The following COL11A1 variants were observed in gnomAD, a reference collection of about 807,000 sequenced individuals.
COL11A1 encodes collagen type XI alpha 1 chain.
Under a neutral mutation model 265.2 loss-of-function variants are expected in COL11A1, and 74 were observed. That is an observed-to-expected ratio of 0.28 (90% CI 0.23 to 0.34). The LOEUF (loss-of-function observed/expected upper bound fraction) is 0.34, where lower values mean the gene tolerates loss of function less well. COL11A1 is among the 10% of genes least tolerant of loss of function. COL11A1 has a pLI of 1.00. For synonymous variants in COL11A1, 816 were observed against 727.6 expected (o/e 1.12, Z -1.96); for missense variants, 2,165 against 2,263.6 (o/e 0.96, Z 0.88).
At chr1:102,979,581 T>A (rs781413946) in intron 31 of COL11A1, 146 bp from the exon 32 acceptor site, 1 of 715,944 alleles carries the variant, frequency 1.4e-6, no homozygotes, top group East Asian at 2.7e-5. Flanking sequence ...ATCGAAGTAA[T>A]TGAAAATGAA....
chr1:103,093,222 T>C (rs1476557453), intron 1 of COL11A1, among the ~76,000 whole-genome samples: 4 of 151,954 alleles, frequency 2.6e-5, no homozygotes, highest in African/African-American at 9.7e-5. Flanking sequence ...AAAAGCAAGG[T>C]GAAGAATCTA....
intron 4 of COL11A1, among the ~76,000 whole-genome samples, chr1:103,050,222 T>G (rs548997957): frequency 1.5e-4 from 23 of 152,356 alleles, no homozygotes; most frequent in Non-Finnish European, 2.4e-4. Context: ...ATTCTCCCCG[T>G]CACTTTCAGG....
intron 8 of COL11A1, among the ~76,000 whole-genome samples, chr1:103,022,494 A>G (rs1667175477): frequency 6.6e-6 from 1 of 152,164 alleles, no homozygotes; most frequent in Non-Finnish European, 1.5e-5. Context: ...CAATGACAAA[A>G]TTTCTGATGC....
At chr1:102,944,355 T>TC (rs1216222605) in intron 42 of COL11A1, among the ~76,000 whole-genome samples, 1 of 152,134 alleles carries the variant, frequency 6.6e-6, no homozygotes, top group Non-Finnish European at 1.5e-5. Flanking sequence ...TATGTTACTG[T>TC]CCCTAAGCAG....
intron 31 of COL11A1, 38 bp from the exon 32 acceptor site, chr1:102,979,473 A>G: frequency 4.4e-6 from 6 of 1,367,636 alleles, no homozygotes; most frequent in South Asian, 2.3e-5. Flanking sequence ...AAACATGGCA[A>G]TTAACATTTT....
intron 1 of COL11A1, among the ~76,000 whole-genome samples, chr1:103,087,819 T>C (rs1436160362): frequency 5.9e-5 from 9 of 152,232 alleles, no homozygotes; most frequent in Admixed American, 5.9e-4. Flanking sequence ...ATTTGCCTTG[T>C]CTTTGCCAAT....
rs187353460 is a variant in COL11A1 at position 102,999,377 on chromosome 1, T to A, written c.2143-1014A>T. ...CGTTGCAATCTGGATGAACTTAGGTTCCTATCCACGTCTTCAAAGTTCCTC... is the reference window on the plus strand; with the variant it reads ...CGTTGCAATCTGGATGAACTTAGGTACCTATCCACGTCTTCAAAGTTCCTC... On this transcript the variant is annotated intron_variant, in intron 24 of 66. Transcript: ENST00000370096. 4.9e-3 allele frequency among the ~76,000 whole-genome samples: 740 copies of A among 152,054 alleles called. 7 individuals are homozygous for A. The highest frequency in any genetic ancestry group is 0.017 in the African/African-American group (714 of 41,548).
chr1:102,945,093 A>G (rs987764633), intron 42 of COL11A1, among the ~76,000 whole-genome samples: 9 of 152,304 alleles, frequency 5.9e-5, no homozygotes, highest in African/African-American at 1.9e-4. Context: ...GTGTCACCAA[A>G]AAAACATCTT....
In COL11A1 at chr1:103,040,244, CTA is replaced by C. The variant is rs1408301068; in HGVS notation, c.652-9002_652-9001del. Among the ~76,000 whole-genome samples, 3 of 151,184 alleles carry C rather than the reference CTA, an allele frequency of 2.0e-5. No individual in the cohort carries two copies. In the East Asian group the frequency reaches 5.8e-4, roughly 29 times the overall value. ...GAAAAACATACCCCTAATATTTGAA[CTA>C]TGTGTGTATACATTTATATATATTC... is the stretch of plus-strand genomic sequence containing the variant. On this transcript the variant is annotated intron_variant, in intron 4 of 66. Coordinates refer to ENST00000370096, the MANE Select transcript of COL11A1 (RefSeq NM_001854.4).
intron 54 of COL11A1, among the ~76,000 whole-genome samples, chr1:102,906,294 A>G (rs1281997991): frequency 6.6e-6 from 1 of 152,220 alleles, no homozygotes; most frequent in Non-Finnish European, 1.5e-5. Flanking sequence ...GTTCTGTCTG[A>G]TTCTGATGCA....
rs1277324635 is a variant in COL11A1 at position 102,935,096 on chromosome 1, T to A, written c.3456A>T (p.Pro1152=). 41 of 1,614,000 alleles carry A rather than the reference T, an allele frequency of 2.5e-5. No individual in the cohort carries two copies. The highest frequency in any genetic ancestry group is 3.4e-5 in the Non-Finnish European group (40 of 1,179,948). The change falls in exon 45 of 67, where the codon CCA becomes CCT. Residue 1152 remains proline (P), a synonymous_variant. Transcript: ENST00000370096. ...DKGENGPPGP[P]GLQGPVGAPG... is the part of the protein sequence containing the mutation. ...GGGCACCAACTGGTCCTTGAAGACC[T>A]GGGGGACCGGGAGGGCCCTGCAGTG...
chr1:102,982,582 G>T (rs1557901307), intron 31 of COL11A1, among the ~76,000 whole-genome samples: 1 of 152,032 alleles, frequency 6.6e-6, no homozygotes, highest in Non-Finnish European at 1.5e-5. Context: ...GTATTAATCA[G>T]TGTCCTGAGT....
At chr1:103,108,006 G>C in intron 1 of COL11A1, 67 bp downstream of exon 1, 2 of 1,126,370 alleles carry the variant, frequency 1.8e-6, no homozygotes, top group South Asian at 2.5e-5. Context: ...GGTAAAGTGG[G>C]GGGAGGGGCG....
intron 49 of COL11A1, among the ~76,000 whole-genome samples, 171 bp from the exon 50 acceptor site, chr1:102,915,855 C>T (rs903488760): frequency 6.6e-6 from 1 of 152,090 alleles, no homozygotes; most frequent in Non-Finnish European, 1.5e-5. Context: ...GACTCCAGTG[C>T]TTTTATTTCT....
rs1399753907 is a variant in COL11A1, at chr1:102,879,729, G to A, written c.5228C>T (p.Ser1743Phe). The change falls in exon 66 of 67, where the codon TCC (serine) becomes TTC (phenylalanine). Residue 1743 changes from serine (S) to phenylalanine (F), a missense_variant. Coordinates refer to ENST00000370096, the MANE Select transcript of COL11A1 (RefSeq NM_001854.4). ...RFLGSNDEEMSYDNNPFIKTL... is the reference protein window; with the variant it reads ...RFLGSNDEEMFYDNNPFIKTL... ...TTTGATAAAAGGATTATTGTCATAGGACATCTCCTCATCATTTGATCCCAG... is the reference window on the plus strand; with the variant it reads ...TTTGATAAAAGGATTATTGTCATAGAACATCTCCTCATCATTTGATCCCAG... 1.2e-6 allele frequency: 2 copies of A among 1,613,894 alleles called. No individual in the cohort carries two copies. The highest frequency in any genetic ancestry group is 1.7e-6 in the Non-Finnish European group (2 of 1,179,870).
intron 36 of COL11A1, among the ~76,000 whole-genome samples, chr1:102,973,544 A>C (rs1557890061): frequency 6.6e-6 from 1 of 152,166 alleles, no homozygotes; most frequent in Non-Finnish European, 1.5e-5. Flanking sequence ...TACAGCTTAA[A>C]ATAATTATAA....
chr1:103,023,357 T>C (rs983031231), intron 7 of COL11A1, among the ~76,000 whole-genome samples: 4 of 151,292 alleles, frequency 2.6e-5, no homozygotes, highest in African/African-American at 9.7e-5. Flanking sequence ...CTTTGCTTAA[T>C]GTTTTTTTCT....
intron 62 of COL11A1, among the ~76,000 whole-genome samples, chr1:102,887,350 G>A (rs1433577732): frequency 6.6e-6 from 1 of 151,584 alleles, no homozygotes; most frequent in South Asian, 2.1e-4. Flanking sequence ...TTAGTCTCTT[G>A]TTTATTAATT....
intron 52 of COL11A1, 53 bp downstream of exon 52, chr1:102,914,298 GA>G: frequency 1.5e-6 from 2 of 1,375,896 alleles, no homozygotes; most frequent in South Asian, 2.4e-5. Flanking sequence ...TAACAATACA[GA>G]AATTGGAAAC....
Sources: gnomAD v4.1 joint callset for allele counts (sites outside exome capture counted in the v4.1 genomes callset) on GRCh38, gnomAD v4.1.1 for gene constraint, MANE v1.5 for transcripts, NCBI Gene and HGNC (gene_info 2026-07-23, HGNC 2026-07-21) for gene names.